Variants in DPP6 observed in about 807,000 individuals in gnomAD.
DPP6 encodes dipeptidyl peptidase like 6, also known as A-type potassium channel modulatory protein DPP6.
In DPP6, 69 loss-of-function variants were observed where a neutral mutation model predicts 122.6. The observed-to-expected ratio is 0.56, with a 90% CI of 0.46 to 0.69. The LOEUF (loss-of-function observed/expected upper bound fraction) is 0.69. DPP6 is among the 30% of genes least tolerant of loss of function. The probability of loss-of-function intolerance (pLI) is 0.00; values close to 1 mark genes in which losing one functional copy is unlikely to be tolerated. For synonymous variants in DPP6, 418 were observed against 433.1 expected, an observed-to-expected ratio of 0.97 and a Z score of 0.43; for missense variants, 928 against 1,116.9, an observed-to-expected ratio of 0.83 and a Z score of 2.41.
intron 1 of DPP6, among the ~76,000 whole-genome samples, chr7:153,897,591 A>G (rs927639501): frequency 2.0e-5 from 3 of 152,216 alleles, no homozygotes; most frequent in Non-Finnish European, 2.9e-5. Context: ...GTAAGTTCCA[A>G]CAGTTGCCAT....
chr7:154,718,582 A>ACAG (rs1263227503), intron 7 of DPP6, among the ~76,000 whole-genome samples: 1 of 148,370 alleles, frequency 6.7e-6, no homozygotes, highest in Non-Finnish European at 1.5e-5. Flanking sequence ...TGTGGAACCC[A>ACAG]CAGTGAGGTC....
chr7:153,888,231 G>T (rs1433511494), intron 1 of DPP6, among the ~76,000 whole-genome samples: 3 of 152,184 alleles, frequency 2.0e-5, no homozygotes, highest in Non-Finnish European at 4.4e-5. Context: ...CAGTCGCTCC[G>T]CTCCGTTCCA....
chr7:154,856,859 A>G (rs1362521085), intron 17 of DPP6, among the ~76,000 whole-genome samples: 5 of 152,244 alleles, frequency 3.3e-5, no homozygotes, highest in Non-Finnish European at 7.3e-5. Context: ...CACTGTGCAC[A>G]CAGGATGGGG....
intron 1 of DPP6, among the ~76,000 whole-genome samples, chr7:154,042,325 C>T (rs1187673275): frequency 2.6e-5 from 4 of 152,102 alleles, no homozygotes; most frequent in Non-Finnish European, 4.4e-5. Context: ...GGGTGCAGCA[C>T]GGGGGCAACC....
intron 1 of DPP6, among the ~76,000 whole-genome samples, chr7:154,294,267 G>T (rs142452249): frequency 5.8e-4 from 89 of 152,268 alleles, no homozygotes; most frequent in South Asian, 5.2e-3. Context: ...GGGCACTAAA[G>T]GATGATTAGG....
chr7:154,459,436 T>A (rs1428006735), intron 2 of DPP6, among the ~76,000 whole-genome samples: 1 of 152,186 alleles, frequency 6.6e-6, no homozygotes, highest in Non-Finnish European at 1.5e-5. Flanking sequence ...CACATACCGA[T>A]TCAGGCTCTC....
intron 1 of DPP6, among the ~76,000 whole-genome samples, chr7:154,443,306 T>C (rs1819537834): frequency 1.3e-5 from 2 of 152,264 alleles, no homozygotes; most frequent in South Asian, 4.1e-4. Context: ...CTGATCTGCT[T>C]ATTGTTTGTC....
chr7:154,807,144 GC>G, intron 16 of DPP6, 32 bp downstream of exon 16: 1 of 1,604,648 alleles, frequency 6.2e-7, no homozygotes, highest in Non-Finnish European at 8.5e-7. Context: ...AGGGCAAAGA[GC>G]CCTGGCAGGC....
intron 1 of DPP6, among the ~76,000 whole-genome samples, chr7:154,063,676 C>T (rs10269944): frequency 9.4e-6 from 1 of 105,890 alleles, no homozygotes; most frequent in Non-Finnish European, 1.8e-5. Flanking sequence ...GACCCCCATC[C>T]CAGCGGGGGG....
In DPP6 at chr7:154,603,898, C is replaced by T. The variant is rs909565024; in HGVS notation, c.628-33923C>T. ...TAGAATGTAATGATTGATAGGTGCA[C>T]GTGGGATTTCTTAGTGTCTGATAAA... On this transcript the variant is annotated intron_variant, in intron 5 of 25. Coordinates refer to ENST00000377770, the MANE Select transcript of DPP6 (RefSeq NM_130797.4). 3.0e-4 allele frequency among the ~76,000 whole-genome samples: 35 copies of T among 118,460 alleles called. 11 individuals are homozygous for T. Among genetic ancestry groups the T allele is most frequent in the African/African-American group, 5.6e-4 (21 of 37,380 alleles). 77.7% of individuals were successfully genotyped at this position (118,460 alleles called of 152,430 possible).
intron 1 of DPP6, among the ~76,000 whole-genome samples, chr7:154,411,733 T>C (rs1297351171): frequency 1.3e-5 from 2 of 152,214 alleles, no homozygotes; most frequent in African/African-American, 4.8e-5. Flanking sequence ...CTTTTGTTTA[T>C]AGGCCGTTAT....
intron 1 of DPP6, among the ~76,000 whole-genome samples, chr7:154,072,602 G>T (rs1211247774): frequency 3.9e-5 from 6 of 152,296 alleles, no homozygotes; most frequent in Non-Finnish European, 8.8e-5. Flanking sequence ...CAGAGAGCAG[G>T]TAGCTGCCTA....
rs150025862 is a variant in DPP6, at chr7:154,668,163, G to C, written c.681-1197G>C. Among the ~76,000 whole-genome samples, 25 of 108,124 alleles carry C rather than the reference G, an allele frequency of 2.3e-4. No homozygotes were observed. The East Asian group carries it at 7.4e-3, about 32-fold the overall frequency. 70.9% of individuals were successfully genotyped at this position (108,124 alleles called of 152,430 possible). A position where few individuals can be genotyped will look rare whatever the true frequency, so the allele number is the denominator to read the frequency against. On this transcript the variant is annotated intron_variant, in intron 6 of 25. Coordinates refer to ENST00000377770, the MANE Select transcript of DPP6 (RefSeq NM_130797.4). ...GGCCATTCAACCATTTCTTTCTACA[G>C]ATGAGTGGGTGCATTCCCAGCTATG...
chr7:153,767,470 T>A, the DPP6 span, among the ~76,000 whole-genome samples: 1 of 151,854 alleles, frequency 6.6e-6, no homozygotes, highest in Non-Finnish European at 1.5e-5. Context: ...CAGGTTCAAG[T>A]GATTCTCCTG....
the DPP6 span, among the ~76,000 whole-genome samples, chr7:153,840,058 A>G: frequency 1.3e-5 from 2 of 152,162 alleles, no homozygotes; most frequent in South Asian, 2.1e-4. Context: ...TGAGAGATAG[A>G]CAGTTTTATT....
intron 1 of DPP6, among the ~76,000 whole-genome samples, chr7:153,922,572 A>G (rs895126629): frequency 3.3e-5 from 5 of 152,240 alleles, no homozygotes; most frequent in Admixed American, 2.0e-4. Flanking sequence ...CAGGTCTGAG[A>G]AACAAATTCT....
intron 1 of DPP6, among the ~76,000 whole-genome samples, chr7:154,122,932 C>A (rs1807598376): frequency 6.6e-6 from 1 of 152,254 alleles, no homozygotes; most frequent in African/African-American, 2.4e-5. Context: ...GACCATCAGG[C>A]CCGCCTTACT....
chr7:154,088,651 G>A (rs1312456634), intron 1 of DPP6, among the ~76,000 whole-genome samples: 2 of 147,912 alleles, frequency 1.4e-5, no homozygotes, highest in African/African-American at 5.1e-5. Flanking sequence ...TGTGAGATGG[G>A]TCACTGGGGG....
At position 154,483,725 on chromosome 7, in the gene DPP6, C is replaced by T. The variant is rs540641071; in HGVS notation, c.457+8688C>T. Among the ~76,000 whole-genome samples the T allele has an allele frequency of 4.5e-4, 68 of 152,324 alleles. No homozygotes were observed. The highest frequency in any genetic ancestry group is 8.2e-4 in the Non-Finnish European group (56 of 68,030). On this transcript the variant is annotated intron_variant, in intron 3 of 25. Coordinates refer to ENST00000377770, the MANE Select transcript of DPP6 (RefSeq NM_130797.4). This position sits in a 1 kb window ranked among gnomAD's most constrained non-coding sequence, Gnocchi z 8.1. ...TTGCTTTGCTTTTGAGACGGAGTCT[C>T]GCTCTGTCGCCCAGGCTGGAGTGCA...
Sources: gnomAD v4.1 joint callset for allele counts (sites outside exome capture counted in the v4.1 genomes callset) on GRCh38, gnomAD v4.1.1 for gene constraint, Gnocchi (gnomAD v3.1) non-coding constraint, MANE v1.5 for transcripts, NCBI Gene and HGNC (gene_info 2026-07-23, HGNC 2026-07-21) for gene names.